The following LMNB1 variants were observed in gnomAD, a reference collection of about 807,000 sequenced individuals.
LMNB1 encodes the protein lamin B1, also known as lamin-B1.
LMNB1 carries 23 observed loss-of-function variants against 67.1 expected under a neutral mutation model. The observed-to-expected ratio is 0.34, with a 90% CI of 0.25 to 0.49. LMNB1 has a LOEUF of 0.49. Ranked by LOEUF, LMNB1 falls within the 20% of genes least tolerant of loss-of-function variation. LMNB1 has a pLI of 0.99. For missense variants in LMNB1, 634 were observed against 746.5 expected (o/e 0.85, Z 1.76); for synonymous variants, 281 against 282.9 (o/e 0.99, Z 0.07).
chr5:126,784,400 G>C (rs1298681469), intron 1 of LMNB1, among the ~76,000 whole-genome samples: 1 of 151,226 alleles, frequency 6.6e-6, no homozygotes, highest in African/African-American at 2.4e-5. Context: ...GTGTCGCCCA[G>C]GCTGGAGTGC....
chr5:126,830,591 T>A (rs1448779198), intron 9 of LMNB1, among the ~76,000 whole-genome samples: 1 of 152,192 alleles, frequency 6.6e-6, no homozygotes, highest in African/African-American at 2.4e-5. Flanking sequence ...AAAGTAGTTA[T>A]GTTAAGGTAA....
chr5:126,833,182 A>T (rs1752173513), intron 10 of LMNB1, among the ~76,000 whole-genome samples: 1 of 152,238 alleles, frequency 6.6e-6, no homozygotes, highest in Non-Finnish European at 1.5e-5. Flanking sequence ...AACTTTAAAA[A>T]AACAAAGTAA....
At chr5:126,819,982 T>C (rs1751820150) in intron 6 of LMNB1, among the ~76,000 whole-genome samples, 1 of 151,806 alleles carries the variant, frequency 6.6e-6, no homozygotes, top group Non-Finnish European at 1.5e-5. Context: ...CCGTCTCTAA[T>C]GAAAATACAA....
chr5:126,817,021 A>G (rs1462592716), intron 5 of LMNB1, among the ~76,000 whole-genome samples: 1 of 152,132 alleles, frequency 6.6e-6, no homozygotes, highest in Middle Eastern at 3.2e-3. Context: ...CTGGAGGGAA[A>G]TCTACATTTA....
chr5:126,798,455 A>C lies in LMNB1; in HGVS notation c.360-6321A>C, dbSNP rs563337374. On this transcript the variant is annotated intron_variant, in intron 1 of 10. Coordinates refer to ENST00000261366, the MANE Select transcript of LMNB1 (RefSeq NM_005573.4). ...ACAGAGCGAGACTCTGTCTCAAAACAAACAAACAAACAAAAAAACTCCAAC... is the reference window on the plus strand; with the variant it reads ...ACAGAGCGAGACTCTGTCTCAAAACCAACAAACAAACAAAAAAACTCCAAC... Among the ~76,000 whole-genome samples, 62 of 152,314 alleles carry C rather than the reference A, an allele frequency of 4.1e-4. 1 individual carries two copies. Among genetic ancestry groups the C allele is most frequent in the Admixed American group, 1.5e-3 (23 of 15,302 alleles).
At chr5:126,791,727 A>C (rs1750963419) in intron 1 of LMNB1, among the ~76,000 whole-genome samples, 1 of 151,600 alleles carries the variant, frequency 6.6e-6, no homozygotes, top group Non-Finnish European at 1.5e-5. Context: ...TCAGCCTCCC[A>C]AAGTGTTGGG....
chr5:126,812,495 C>CT (rs1193022117), intron 5 of LMNB1, among the ~76,000 whole-genome samples: 21 of 152,142 alleles, frequency 1.4e-4, no homozygotes, highest in Non-Finnish European at 2.9e-5. Flanking sequence ...TGATGGTGTG[C>CT]TTCAGGTGCT....
At chr5:126,818,140 C>T (rs1293611165) in intron 5 of LMNB1, among the ~76,000 whole-genome samples, 1 of 152,154 alleles carries the variant, frequency 6.6e-6, no homozygotes, top group African/African-American at 2.4e-5. Flanking sequence ...CACATAGTAA[C>T]CAGAGTCCCT....
intron 1 of LMNB1, among the ~76,000 whole-genome samples, chr5:126,801,068 C>T (rs1339077956): frequency 1.4e-5 from 2 of 139,886 alleles, no homozygotes; most frequent in African/African-American, 2.7e-5. Flanking sequence ...ACTGCAGCCT[C>T]GACCTCCTGG....
At chr5:126,809,656 C>T (rs144271408) in intron 3 of LMNB1, among the ~76,000 whole-genome samples, 2 of 152,262 alleles carry the variant, frequency 1.3e-5, no homozygotes, top group Admixed American at 6.5e-5. Flanking sequence ...CATTGCACAA[C>T]AGCCTGGGCG....
At chr5:126,819,458 TATTA>T (rs1304620400) in intron 6 of LMNB1, among the ~76,000 whole-genome samples, 1 of 130,700 alleles carries the variant, frequency 7.7e-6, no homozygotes, top group Non-Finnish European at 1.6e-5. Context: ...AGACTTTACA[TATTA>T]TTTATTTATT....
intron 1 of LMNB1, among the ~76,000 whole-genome samples, chr5:126,799,082 A>G (rs1165843432): frequency 6.6e-6 from 1 of 151,096 alleles, no homozygotes; most frequent in East Asian, 1.9e-4. Flanking sequence ...CAGTGGCGCA[A>G]TCTCGGCTCA....
At chr5:126,779,162 A>T (rs973722467) in intron 1 of LMNB1, among the ~76,000 whole-genome samples, 1 of 152,114 alleles carries the variant, frequency 6.6e-6, no homozygotes, top group Admixed American at 6.5e-5. Context: ...GATTTTGTGT[A>T]TTTTTACTTA....
chr5:126,818,996 G>T lies in LMNB1; in HGVS notation c.1014G>T (p.Met338Ile). Residue 338 changes from methionine (M) to isoleucine (I), a missense_variant, in exon 6 of 11, where the codon ATG becomes ATT. Met to Ile is a conservative substitution (Grantham distance 10). Coordinates refer to ENST00000261366, the MANE Select transcript of LMNB1 (RefSeq NM_005573.4). ...LAKEKDNSRR[M>I]LTDKEREMAE... ...AAGAAAAAGACAACTCTCGTCGCAT[G>T]CTGACAGACAAAGAGAGAGAGATGG... 1 of 1,614,190 alleles carries T rather than the reference G, an allele frequency of 6.2e-7. No individual in the cohort carries two copies. The highest frequency in any genetic ancestry group is 8.5e-7 in the Non-Finnish European group (1 of 1,180,006).
chr5:126,811,172 T>G (rs2941665), intron 4 of LMNB1, among the ~76,000 whole-genome samples: 107,721 of 152,120 alleles, frequency 0.71, 38,250 homozygotes, highest in Middle Eastern at 0.74. Flanking sequence ...CATTGAGCTA[T>G]ACAGTGAAGG....
In LMNB1 at chr5:126,822,799, T is replaced by A; in HGVS notation, c.1405T>A (p.Trp469Arg). ...TSEQDQPMGG[W>R]EMIRKIGDTS... ...TGTGTAGGATCAACCAATGGGAGGC[T>A]GGGAGATGATCAGAAAAATTGGAGA... Residue 469 changes from tryptophan to arginine, a missense_variant, in exon 8 of 11, where the codon TGG becomes AGG. By Grantham distance (101) the Trp-to-Arg change is moderately radical. Coordinates refer to ENST00000261366, the MANE Select transcript of LMNB1 (RefSeq NM_005573.4). 6.2e-7 allele frequency: 1 copy of A among 1,611,228 alleles called. No individual in the cohort carries two copies. Among genetic ancestry groups the A allele is most frequent in the Non-Finnish European group, 8.5e-7 (1 of 1,177,490 alleles).
intron 3 of LMNB1, among the ~76,000 whole-genome samples, chr5:126,806,294 A>G (rs1326442398): frequency 2.0e-5 from 3 of 152,348 alleles, no homozygotes; most frequent in South Asian, 4.1e-4. Context: ...ACAGCAGCTA[A>G]TTACTGTCAA....
At chr5:126,815,592 G>T (rs1446519868) in intron 5 of LMNB1, among the ~76,000 whole-genome samples, 1 of 152,140 alleles carries the variant, frequency 6.6e-6, no homozygotes, top group Non-Finnish European at 1.5e-5. Context: ...AAGATCATCA[G>T]AAGTCATAAA....
At chr5:126,794,356 G>C (rs1209635888) in intron 1 of LMNB1, among the ~76,000 whole-genome samples, 1 of 152,218 alleles carries the variant, frequency 6.6e-6, no homozygotes, top group Non-Finnish European at 1.5e-5. Context: ...TGTTGAAGCT[G>C]ATGAGTGGCT....
Sources: allele counts gnomAD v4.1 joint callset (sites outside exome capture counted in the v4.1 genomes callset), GRCh38; gene constraint gnomAD v4.1.1; transcripts MANE v1.5; gene names NCBI Gene and HGNC (gene_info 2026-07-23, HGNC 2026-07-21).